AGBL1: variants seen among roughly 807,000 people sequenced by gnomAD.
AGBL1 encodes AGBL carboxypeptidase 1, also known as cytosolic carboxypeptidase 4.
Under a neutral mutation model 118.9 loss-of-function variants are expected in AGBL1, and 130 were observed. The ratio of observed to expected loss-of-function variants is 1.09; its 90% confidence interval spans 0.95 to 1.26. AGBL1 has a LOEUF of 1.26. Among genes scored for constraint, AGBL1 ranks in the 50% most tolerant of loss-of-function variants. AGBL1 has a pLI of 0.00. For missense variants in AGBL1, 1,584 were observed against 1,298.1 expected, an observed-to-expected ratio of 1.22 and a Z score of -3.38; for synonymous variants, 555 against 478.9, an observed-to-expected ratio of 1.16 and a Z score of -2.08.
At chr15:86,528,079 A>C (rs2083291303) in intron 19 of AGBL1, among the ~76,000 whole-genome samples, 4 of 152,194 alleles carry the variant, frequency 2.6e-5, no homozygotes, top group Admixed American at 2.6e-4. Context: ...ATTTTATTTA[A>C]GATTGTCCTT....
chr15:86,160,173 TG>T (rs2077248269), intron 5 of AGBL1, among the ~76,000 whole-genome samples: 2 of 151,136 alleles, frequency 1.3e-5, no homozygotes, highest in Admixed American at 6.6e-5. Context: ...TCTCTCATTT[TG>T]GAAACATCTT....
chr15:86,349,368 G>T (rs551964059), intron 17 of AGBL1, among the ~76,000 whole-genome samples: 1 of 152,292 alleles, frequency 6.6e-6, no homozygotes, highest in East Asian at 1.9e-4. Context: ...CATTAAGAAT[G>T]ATGAGATTAA....
chr15:86,642,856 CTATTT>C (rs947611099), intron 21 of AGBL1, among the ~76,000 whole-genome samples: 6 of 152,166 alleles, frequency 3.9e-5, no homozygotes, highest in African/African-American at 1.4e-4. Context: ...TTTAGGAGGA[CTATTT>C]TATTTTATTT....
intron 21 of AGBL1, among the ~76,000 whole-genome samples, chr15:86,604,832 G>A (rs999970880): frequency 1.4e-5 from 1 of 69,282 alleles, no homozygotes; most frequent in African/African-American, 5.9e-5. Flanking sequence ...TTTTGCTCTT[G>A]TTGCCCAGGT....
intron 22 of AGBL1, among the ~76,000 whole-genome samples, chr15:86,887,938 T>G (rs1049849797): frequency 6.6e-6 from 1 of 152,140 alleles, no homozygotes; most frequent in Non-Finnish European, 1.5e-5. Flanking sequence ...AGCTTTAATT[T>G]GCCTTCCATT....
At chr15:86,704,879 A>G (rs1001980641) in intron 22 of AGBL1, among the ~76,000 whole-genome samples, 1 of 152,206 alleles carries the variant, frequency 6.6e-6, no homozygotes, top group Non-Finnish European at 1.5e-5. Context: ...CTTGGAACCA[A>G]CTCAGATGCC....
intron 18 of AGBL1, among the ~76,000 whole-genome samples, chr15:86,447,256 G>A (rs1296545152): frequency 6.6e-6 from 1 of 152,200 alleles, no homozygotes; most frequent in African/African-American, 2.4e-5. Flanking sequence ...GCCAATGGTA[G>A]AGAGTAAATC....
chr15:86,807,431 G>A (rs919581422), intron 22 of AGBL1, among the ~76,000 whole-genome samples: 2 of 152,136 alleles, frequency 1.3e-5, no homozygotes, highest in Non-Finnish European at 2.9e-5. Context: ...TTGCTTTTGT[G>A]GTTGCTGATG....
chr15:86,503,033 C>A lies in AGBL1; in HGVS notation c.2556-19777C>A, dbSNP rs189661984. ...CGCTTGGTAGAATTCACCACTGAGG[C>A]CATGCAGAATTCACCAGTGAAGTCC... On this transcript the variant is annotated intron_variant, in intron 18 of 22. Coordinates refer to ENST00000614907, the MANE Select transcript of AGBL1 (RefSeq NM_001386094.1). 2.4e-3 allele frequency among the ~76,000 whole-genome samples: 360 copies of A among 151,584 alleles called. 1 individual carries two copies. The highest frequency in any genetic ancestry group is 8.2e-3 in the African/African-American group (339 of 41,474).
Position 86,464,075 on chromosome 15 carries a change from A to G in AGBL1, c.2556-58735A>G, listed in dbSNP as rs148929029. 5.2e-3 allele frequency among the ~76,000 whole-genome samples: 786 copies of G among 152,316 alleles called. 5 individuals are homozygous for G. Among genetic ancestry groups the G allele is most frequent in the African/African-American group, 0.015 (622 of 41,570 alleles). ...ATATTGGTTCTTTCTATCCATGAGC[A>G]TGGATTGGTTTTCCATTTGTTTGTG... is the stretch of plus-strand genomic sequence containing the variant. On this transcript the variant is annotated intron_variant, in intron 18 of 22. Coordinates refer to ENST00000614907, the MANE Select transcript of AGBL1 (RefSeq NM_001386094.1).
exon 25 of AGBL1, chr15:87,028,900 G>T: frequency 6.5e-7 from 1 of 1,537,244 alleles, no homozygotes; most frequent in Non-Finnish European, 9.0e-7. Context: ...GCTCCTCCTG[G>T]ATCTGTGAGG....
At chr15:86,137,992 T>C (rs1355825230) in intron 1 of AGBL1, among the ~76,000 whole-genome samples, 2 of 152,212 alleles carry the variant, frequency 1.3e-5, no homozygotes, top group African/African-American at 4.8e-5. Flanking sequence ...ACAATGCTTG[T>C]TCTCAGGGAG....
chr15:86,345,987 CTT>C (rs796734722), intron 17 of AGBL1, among the ~76,000 whole-genome samples: 6 of 145,486 alleles, frequency 4.1e-5, no homozygotes, highest in Admixed American at 1.4e-4. Flanking sequence ...ACAGCTCTTC[CTT>C]TTTTTTTTTT....
intron 18 of AGBL1, among the ~76,000 whole-genome samples, chr15:86,482,492 T>C (rs1401962343): frequency 6.6e-6 from 1 of 152,164 alleles, no homozygotes; most frequent in Non-Finnish European, 1.5e-5. Context: ...TAATCTATTC[T>C]GAATGAGATG....
At chr15:86,171,477 C>A (rs1370951435) in intron 5 of AGBL1, among the ~76,000 whole-genome samples, 1 of 152,070 alleles carries the variant, frequency 6.6e-6, no homozygotes, top group Non-Finnish European at 1.5e-5. Context: ...AAAGCAACCA[C>A]TAAAACAGTT....
In AGBL1 at chr15:86,998,891, C is replaced by T. The variant is rs1004613550; in HGVS notation, c.3323+10803C>T. Among the ~76,000 whole-genome samples, 546 of 150,322 alleles carry T rather than the reference C, an allele frequency of 3.6e-3. 4 individuals are homozygous for T. The highest frequency in any genetic ancestry group is 0.013 in the African/African-American group (527 of 40,558). ...TATATTTTTTATTATACTTTAAGTT[C>T]TAGGGTACATGTGCACAACATGCAG... On this transcript the variant is annotated intron_variant, in intron 24 of 24. Coordinates refer to the AGBL1 transcript ENST00000441037.
At chr15:86,830,884 C>G (rs901071973) in intron 22 of AGBL1, among the ~76,000 whole-genome samples, 1 of 152,172 alleles carries the variant, frequency 6.6e-6, no homozygotes, top group Admixed American at 6.5e-5. Flanking sequence ...TTAAGACACA[C>G]ATTGTATTAG....
At chr15:86,385,039 C>G (rs1345413839) in intron 17 of AGBL1, among the ~76,000 whole-genome samples, 4 of 152,042 alleles carry the variant, frequency 2.6e-5, no homozygotes, top group African/African-American at 9.7e-5. Flanking sequence ...ATCTTTCAAT[C>G]CGGCAGCCAC....
At chr15:86,579,470 G>A (rs1004318462) in intron 21 of AGBL1, among the ~76,000 whole-genome samples, 1 of 152,212 alleles carries the variant, frequency 6.6e-6, no homozygotes, top group Admixed American at 6.5e-5. Flanking sequence ...AAATGAGGAA[G>A]CTGATATTTC....
Sources: gnomAD v4.1 joint callset for allele counts (sites outside exome capture counted in the v4.1 genomes callset) on GRCh38, gnomAD v4.1.1 for gene constraint, MANE v1.5 for transcripts, NCBI Gene and HGNC (gene_info 2026-07-23, HGNC 2026-07-21) for gene names.